The following FRMD4A variants were observed in gnomAD, a reference collection of about 807,000 sequenced individuals.
FRMD4A encodes FERM domain-containing protein 4A.
FRMD4A carries 29 observed loss-of-function variants against 129.1 expected under a neutral mutation model. The ratio of observed to expected loss-of-function variants is 0.22; its 90% CI spans 0.17 to 0.31. The LOEUF (loss-of-function observed/expected upper bound fraction) is 0.31. Ranked by LOEUF, FRMD4A falls within the 10% of genes least tolerant of loss-of-function variation. The probability of loss-of-function intolerance (pLI) is 1.00; values close to 1 mark genes in which losing one functional copy is unlikely to be tolerated. For synonymous variants in FRMD4A, 634 were observed against 571.6 expected (o/e 1.11, Z -1.56); for missense variants, 1,272 against 1,375.8 (o/e 0.92, Z 1.19).
At chr10:13,909,634 T>A (rs2094920688) in intron 2 of FRMD4A, among the ~76,000 whole-genome samples, 1 of 152,224 alleles carries the variant, frequency 6.6e-6, no homozygotes, top group African/African-American at 2.4e-5. Flanking sequence ...TTCTAAACCA[T>A]GGTGTCTCTT....
At chr10:14,300,235 C>T (rs934526124) in intron 2 of FRMD4A, among the ~76,000 whole-genome samples, 1 of 152,110 alleles carries the variant, frequency 6.6e-6, no homozygotes, top group Non-Finnish European at 1.5e-5. Flanking sequence ...TGACCTCTGA[C>T]GTTAAACTGC....
At chr10:14,287,208 C>T (rs903122444) in intron 2 of FRMD4A, among the ~76,000 whole-genome samples, 1 of 151,920 alleles carries the variant, frequency 6.6e-6, no homozygotes, top group African/African-American at 2.4e-5. Context: ...GTAGACTGGC[C>T]GTTGTGCTCT....
chr10:13,647,874 T>C (rs2081244918), intron 24 of FRMD4A: 1 of 152,118 alleles, frequency 6.6e-6, no homozygotes, highest in African/African-American at 2.4e-5. Context: ...AAACAGCCTC[T>C]CTTCAATGAT....
intron 2 of FRMD4A, among the ~76,000 whole-genome samples, chr10:14,307,517 C>G (rs1024837425): frequency 1.3e-5 from 2 of 152,204 alleles, no homozygotes; most frequent in African/African-American, 4.8e-5. Flanking sequence ...CCATCCAGAG[C>G]CAGAACTACA....
At chr10:13,770,093 C>T (rs531214967) in intron 6 of FRMD4A, among the ~76,000 whole-genome samples, 3 of 152,316 alleles carry the variant, frequency 2.0e-5, no homozygotes, top group African/African-American at 7.2e-5. Flanking sequence ...AAGTGGGACA[C>T]AATGCCCATA....
At chr10:13,949,743 G>A (rs966103817) in intron 2 of FRMD4A, among the ~76,000 whole-genome samples, 2 of 152,198 alleles carry the variant, frequency 1.3e-5, no homozygotes, top group African/African-American at 4.8e-5. Flanking sequence ...AGGGCACTAA[G>A]AGCCAGAGTG....
chr10:13,933,606 T>C (rs987186125), intron 2 of FRMD4A, among the ~76,000 whole-genome samples: 1 of 152,202 alleles, frequency 6.6e-6, no homozygotes, highest in Non-Finnish European at 1.5e-5. Context: ...ACTGGCATAG[T>C]GAGTGTGTGA....
intron 2 of FRMD4A, among the ~76,000 whole-genome samples, chr10:14,184,314 T>TTTTTTTTTTTTTTTTTTTTTTTTG (rs1842009375): frequency 6.8e-6 from 1 of 147,880 alleles, no homozygotes; most frequent in African/African-American, 2.5e-5. Flanking sequence ...TTTTTTTTTT[T>TTTTTTTTTTTTTTTTTTTTTTTTG]AGTAGAGATG....
chr10:14,112,363 G>A (rs1837958312), intron 2 of FRMD4A, among the ~76,000 whole-genome samples: 1 of 152,144 alleles, frequency 6.6e-6, no homozygotes. Context: ...ACAGAGGAGA[G>A]GGTAGAAGAC....
At chr10:13,962,133 G>T (rs535324688) in intron 2 of FRMD4A, among the ~76,000 whole-genome samples, 117 of 152,314 alleles carry the variant, frequency 7.7e-4, no homozygotes, top group African/African-American at 2.8e-3. Flanking sequence ...TTCCACAGCT[G>T]CTACTAGCCA....
intron 2 of FRMD4A, among the ~76,000 whole-genome samples, chr10:14,115,909 A>G (rs1838174277): frequency 6.6e-6 from 1 of 151,732 alleles, no homozygotes; most frequent in African/African-American, 2.4e-5. Flanking sequence ...TCAACTTAAA[A>G]CTCCACTGAG....
intron 2 of FRMD4A, among the ~76,000 whole-genome samples, chr10:14,009,678 A>G (rs1006225205): frequency 2.0e-5 from 3 of 152,268 alleles, no homozygotes; most frequent in African/African-American, 7.2e-5. Context: ...TCAGCCCTCC[A>G]GCGCAGACAC....
chr10:13,925,958 A>C (rs1364737905), intron 2 of FRMD4A, among the ~76,000 whole-genome samples: 1 of 148,370 alleles, frequency 6.7e-6, no homozygotes, highest in Non-Finnish European at 1.5e-5. Flanking sequence ...GTACATTTAT[A>C]TGATTGATTG....
intron 2 of FRMD4A, among the ~76,000 whole-genome samples, chr10:13,863,691 C>T (rs756431783): frequency 5.9e-5 from 9 of 151,582 alleles, no homozygotes; most frequent in South Asian, 2.1e-4. Context: ...AGATGTGCAA[C>T]GCTTTAGGCT....
In FRMD4A at chr10:13,839,460, C is replaced by T. The variant is rs78322934; in HGVS notation, c.111+19387G>A. On this transcript the variant is annotated intron_variant, in intron 3 of 24. Coordinates refer to ENST00000357447, the MANE Select transcript of FRMD4A (RefSeq NM_018027.5). ...TGCCAACAGGATTCCTGCCATAAAA[C>T]GTGCACCAGAGTAATGCAGAGGGCA... 7.7e-3 allele frequency among the ~76,000 whole-genome samples: 1,170 copies of T among 152,310 alleles called. 25 individuals are homozygous for T. Among genetic ancestry groups the T allele is most frequent in the African/African-American group, 0.027 (1,120 of 41,562 alleles).
At chr10:14,177,037 A>G (rs572796784) in intron 2 of FRMD4A, among the ~76,000 whole-genome samples, 2 of 152,222 alleles carry the variant, frequency 1.3e-5, no homozygotes, top group South Asian at 2.1e-4. Flanking sequence ...AGCTGCATCC[A>G]TTATTTGCTT....
At chr10:14,205,441 C>T (rs552064952) in intron 2 of FRMD4A, among the ~76,000 whole-genome samples, 5 of 152,106 alleles carry the variant, frequency 3.3e-5, no homozygotes, top group African/African-American at 1.2e-4. Context: ...TAACCAGCTT[C>T]CTTACTGATC....
intron 6 of FRMD4A, among the ~76,000 whole-genome samples, chr10:13,770,303 G>A (rs755228899): frequency 2.0e-5 from 3 of 152,134 alleles, no homozygotes; most frequent in Non-Finnish European, 4.4e-5. Flanking sequence ...TCCACGAGGT[G>A]AATGCCACTC....
chr10:13,765,612 G>C (rs951525774), intron 6 of FRMD4A, among the ~76,000 whole-genome samples: 2 of 152,178 alleles, frequency 1.3e-5, no homozygotes, highest in Admixed American at 6.6e-5. Flanking sequence ...GAACTCATGA[G>C]AGCCTACGGA....
Sources: allele counts gnomAD v4.1 joint callset (sites outside exome capture counted in the v4.1 genomes callset), GRCh38; gene constraint gnomAD v4.1.1; transcripts MANE v1.5; gene names NCBI Gene and HGNC (gene_info 2026-07-23, HGNC 2026-07-21).